The following CNOT2 variants were observed in gnomAD, a reference collection of about 807,000 sequenced individuals.
The protein encoded by CNOT2 is CC chemokine receptor 4-negative regulator of transcription 2.
A neutral mutation model predicts 72.1 loss-of-function variants in CNOT2; 7 were observed. That is an observed-to-expected ratio of 0.10 (90% CI 0.06 to 0.18). CNOT2 has a LOEUF of 0.18. Among genes scored for constraint, CNOT2 ranks in the 10% least tolerant of loss-of-function variants. The pLI, the probability that CNOT2 is intolerant of heterozygous loss-of-function variation, is 1.00. For missense variants in CNOT2, 345 were observed against 660.3 expected (o/e 0.52, Z 5.23); for synonymous variants, 196 against 225.6 (o/e 0.87, Z 1.17).
intron 2 of CNOT2, among the ~76,000 whole-genome samples, chr12:70,298,102 G>A (rs1241841114): frequency 3.9e-5 from 6 of 152,150 alleles, no homozygotes; most frequent in Non-Finnish European, 8.8e-5. Context: ...TCAAATTAAT[G>A]CAACTTTCTG....
intron 15 of CNOT2, among the ~76,000 whole-genome samples, chr12:70,347,402 G>A (rs1458245102): frequency 6.6e-6 from 1 of 152,064 alleles, no homozygotes; most frequent in Non-Finnish European, 1.5e-5. Context: ...GGAGGCTGAG[G>A]TGGGTGGATC....
intron 4 of CNOT2, 24 bp downstream of exon 4, chr12:70,319,388 G>A (rs779242110): frequency 1.9e-6 from 3 of 1,600,718 alleles, no homozygotes; most frequent in Admixed American, 1.7e-5. Context: ...ATTTATTCTG[G>A]GATACTTTAT....
chr12:70,282,911 ATAGC>A (rs1184998325), intron 2 of CNOT2, among the ~76,000 whole-genome samples: 3 of 152,214 alleles, frequency 2.0e-5, no homozygotes, highest in Non-Finnish European at 4.4e-5. Flanking sequence ...TTTCCTAGAT[ATAGC>A]TAAAGTACTC....
At chr12:70,332,625 T>C in intron 6 of CNOT2, 142 bp from the exon 7 acceptor site, 1 of 1,180,850 alleles carries the variant, frequency 8.5e-7, no homozygotes, top group Non-Finnish European at 1.1e-6. Context: ...AGATAAAGAA[T>C]AGATTCAGAA....
At position 70,319,707 on chromosome 12, in the gene CNOT2, TTGAC is replaced by T. The variant is rs573466717; in HGVS notation, c.238+346_238+349del. 5.0e-3 allele frequency among the ~76,000 whole-genome samples: 751 copies of T among 150,772 alleles called. 4 individuals carry two copies. Among genetic ancestry groups the T allele is most frequent in the Middle Eastern group, 0.024 (7 of 294 alleles). On this transcript the variant is annotated intron_variant, in intron 4 of 15. Transcript: ENST00000229195. Reference sequence around the variant, plus strand: ...GAAGTTAAAAGCTTTTTTAGTTTATTTGACTGGCTACTCTGTGTGTGTGTGTGTG... The same window carrying T: ...GAAGTTAAAAGCTTTTTTAGTTTATTTGGCTACTCTGTGTGTGTGTGTGTG...
At chr12:70,273,039 C>G (rs1039399746) in intron 1 of CNOT2, among the ~76,000 whole-genome samples, 4 of 152,150 alleles carry the variant, frequency 2.6e-5, no homozygotes, top group Non-Finnish European at 5.9e-5. Flanking sequence ...TAATTTCTCT[C>G]TCTCCATCTT....
At chr12:70,246,502 A>C (rs1186403127) in intron 1 of CNOT2, among the ~76,000 whole-genome samples, 5 of 152,154 alleles carry the variant, frequency 3.3e-5, no homozygotes, top group Admixed American at 6.5e-5. Context: ...AATTACATAC[A>C]GTGTTAATCA....
intron 1 of CNOT2, chr12:70,243,740 C>G (rs1302685763): frequency 6.6e-6 from 1 of 151,918 alleles, no homozygotes; most frequent in Non-Finnish European, 1.5e-5. Context: ...GTGGACCGGA[C>G]GTAAAGCGTC....
In CNOT2 at chr12:70,297,134, G is replaced by A. The variant is rs113976855; in HGVS notation, c.49-13761G>A. On this transcript the variant is annotated intron_variant, in intron 2 of 15. Coordinates refer to ENST00000229195, the MANE Select transcript of CNOT2 (RefSeq NM_014515.7). ...GGCTGTGATTTTATATTAAGTTTCT[G>A]CCTATTTTATAGCCAAGAACTTGTG... 5.1e-3 allele frequency among the ~76,000 whole-genome samples: 780 copies of A among 152,186 alleles called. 8 individuals carry two copies. The highest frequency in any genetic ancestry group is 0.017 in the African/African-American group (699 of 41,524).
chr12:70,243,389 G>A (rs1236836552), upstream of CNOT2: 1 of 152,680 alleles, frequency 6.5e-6, no homozygotes, highest in Non-Finnish European at 1.5e-5. Context: ...CGGGGGTCAC[G>A]GCGGCGGTCA....
chr12:70,332,938 G>A (rs1368191965), intron 7 of CNOT2, 92 bp downstream of exon 7: 3 of 1,378,008 alleles, frequency 2.2e-6, no homozygotes, highest in South Asian at 2.0e-5. Context: ...AAATACGGTA[G>A]GATTTTTTAT....
chr12:70,277,435 T>C (rs1869031583), intron 1 of CNOT2, among the ~76,000 whole-genome samples: 1 of 152,198 alleles, frequency 6.6e-6, no homozygotes, highest in African/African-American at 2.4e-5. Flanking sequence ...ATCTCTGCAG[T>C]TTAAGAAATC....
intron 13 of CNOT2, chr12:70,343,896 A>G (rs1297255774): frequency 7.9e-6 from 3 of 377,954 alleles, no homozygotes; most frequent in South Asian, 7.0e-5. Context: ...TCCAGTCAGC[A>G]TATCAATTAG....
intron 2 of CNOT2, among the ~76,000 whole-genome samples, chr12:70,300,652 G>C (rs559905958): frequency 1.3e-5 from 2 of 152,146 alleles, no homozygotes; most frequent in African/African-American, 2.4e-5. Context: ...GTCAGGTAGC[G>C]TGATGCCTCC....
intron 2 of CNOT2, among the ~76,000 whole-genome samples, chr12:70,308,584 T>TCTCTCTCTCACACACACA (rs550679130): frequency 6.8e-5 from 9 of 133,240 alleles, no homozygotes; most frequent in African/African-American, 2.3e-4. Context: ...TCTCTCTCTC[T>TCTCTCTCTCACACACACA]CACACACACA....
chr12:70,329,136 T>C (rs1288908076), intron 4 of CNOT2, among the ~76,000 whole-genome samples: 1 of 151,892 alleles, frequency 6.6e-6, no homozygotes. Context: ...TAGAGCAATA[T>C]CCATTCATAA....
intron 7 of CNOT2, chr12:70,334,597 C>G (rs1880409828): frequency 6.6e-6 from 1 of 151,950 alleles, no homozygotes; most frequent in South Asian, 2.1e-4. Context: ...AGAAAGTTTT[C>G]TTCAAAAATT....
chr12:70,330,176 G>T, intron 5 of CNOT2, 111 bp from the exon 6 acceptor site: 1 of 533,670 alleles, frequency 1.9e-6, no homozygotes, highest in Middle Eastern at 3.1e-4. Context: ...AATTAGAACT[G>T]CAATTTGAAA....
At chr12:70,305,528 A>G (rs1312240908) in intron 2 of CNOT2, among the ~76,000 whole-genome samples, 1 of 152,240 alleles carries the variant, frequency 6.6e-6, no homozygotes, top group East Asian at 1.9e-4. Context: ...CAATAAATAT[A>G]TAGGGTTGGT....
Sources: allele counts gnomAD v4.1 joint callset (sites outside exome capture counted in the v4.1 genomes callset), GRCh38; gene constraint gnomAD v4.1.1; transcripts MANE v1.5; gene names NCBI Gene and HGNC (gene_info 2026-07-23, HGNC 2026-07-21).